Variants in PCDHGB1 observed in about 807,000 individuals in gnomAD.
PCDHGB1 encodes protocadherin gamma subfamily B, 1.
Under a neutral mutation model 56.6 loss-of-function variants are expected in PCDHGB1, and 34 were observed. The ratio of observed to expected loss-of-function variants is 0.60; its 90% CI spans 0.46 to 0.80. PCDHGB1 has a LOEUF of 0.80. Among genes scored for constraint, PCDHGB1 ranks in the 30% least tolerant of loss-of-function variants. The probability of loss-of-function intolerance (pLI) is 0.00; values close to 1 mark genes in which losing one functional copy is unlikely to be tolerated. For synonymous variants in PCDHGB1, 561 were observed against 505.9 expected (o/e 1.11, Z -1.46); for missense variants, 1,278 against 1,204.6 (o/e 1.06, Z -0.90).
At chr5:141,405,420 T>A in intron 1 of PCDHGB1, 1 of 1,509,592 alleles carries the variant, frequency 6.6e-7, no homozygotes, top group Non-Finnish European at 9.0e-7. Flanking sequence ...TTTTTGTTTT[T>A]TGTTTTGTTT....
chr5:141,399,812 C>T (rs1561672586), intron 1 of PCDHGB1: 1 of 1,613,222 alleles, frequency 6.2e-7, no homozygotes, highest in South Asian at 1.1e-5. Context: ...CTGTACCCCG[C>T]GCTGGGTCCC....
At chr5:141,410,170 C>A in intron 1 of PCDHGB1, 1 of 1,613,828 alleles carries the variant, frequency 6.2e-7, no homozygotes, top group African/African-American at 1.3e-5. Context: ...CACTCTCTGC[C>A]ACCGCCACGC....
At chr5:141,408,036 A>C in intron 1 of PCDHGB1, 1 of 1,132,834 alleles carries the variant, frequency 8.8e-7, no homozygotes, top group Non-Finnish European at 1.2e-6. Flanking sequence ...GAAGAAAACC[A>C]GCTCCCACAC....
At chr5:141,458,080 C>T (rs62379190) in intron 1 of PCDHGB1, among the ~76,000 whole-genome samples, 5,138 of 152,230 alleles carry the variant, frequency 0.034, 100 homozygotes, top group Middle Eastern at 0.088. Flanking sequence ...ACTATATTGC[C>T]GTAAGTTAAG....
chr5:141,352,184 G>A lies in PCDHGB1; in HGVS notation c.1924G>A (p.Val642Met). 1 of 1,613,852 alleles carries A rather than the reference G, an allele frequency of 6.2e-7. No individual in the cohort carries two copies. Among genetic ancestry groups the A allele is most frequent in the Non-Finnish European group, 8.5e-7 (1 of 1,179,884 alleles). Residue 642 changes from valine to methionine, a missense_variant, in exon 1 of 4, where the codon GTG (valine) becomes ATG (methionine). Transcript: ENST00000523390. ...GGCCCGCCAGCGCCTGCTGGTCGCTGTGCGTGATGGAGGACAGCCGCCACT... is the reference window on the plus strand; with the variant it reads ...GGCCCGCCAGCGCCTGCTGGTCGCTATGCGTGATGGAGGACAGCCGCCACT... The part of the protein sequence containing the change: ...DAARQRLLVA[V>M]RDGGQPPLSA...
At chr5:141,395,972 A>G (rs974737736) in intron 1 of PCDHGB1, 1 of 152,218 alleles carries the variant, frequency 6.6e-6, no homozygotes, top group African/African-American at 2.4e-5. Flanking sequence ...CAAAAACATT[A>G]GATCTGAATT....
intron 1 of PCDHGB1, among the ~76,000 whole-genome samples, chr5:141,368,535 T>C (rs1765706037): frequency 6.6e-6 from 1 of 152,178 alleles, no homozygotes; most frequent in South Asian, 2.1e-4. Context: ...AAAACTTGCT[T>C]TTCCATTTTT....
In PCDHGB1 at chr5:141,485,713, G is replaced by A. The variant is rs769162337; in HGVS notation, c.2410-9094G>A. The stretch of plus-strand genomic sequence containing the variant: ...TGAGCTCCAATGAACACTTTGCACT[G>A]GATGTGAAGAAGCGCAGCGACGGCA... On this transcript the variant is annotated intron_variant, in intron 1 of 3. Transcript: ENST00000523390. The surrounding 1 kb of genome is among the most constrained non-coding windows in gnomAD (Gnocchi z 5.7). 2 of 1,614,084 alleles carry A rather than the reference G, an allele frequency of 1.2e-6. No homozygotes were observed. The highest frequency in any genetic ancestry group is 1.3e-5 in the African/African-American group (1 of 74,942).
rs774993961 is a variant in PCDHGB1, at chr5:141,365,445, A to C, written c.2409+12776A>C. The stretch of plus-strand genomic sequence containing the variant: ...ACTGTAATCGCGCTGTTTAGCGTAC[A>C]TGATGGTGATTCTGGAGAAAATGGT... On this transcript the variant is annotated intron_variant, in intron 1 of 3. Transcript: ENST00000523390. 1 of 1,613,936 alleles carries C rather than the reference A, an allele frequency of 6.2e-7. No individual in the cohort carries two copies. The highest frequency in any genetic ancestry group is 8.5e-7 in the Non-Finnish European group (1 of 1,179,910).
At position 141,357,494 on chromosome 5, in the gene PCDHGB1, A is replaced by G. The variant is rs371787543; in HGVS notation, c.2409+4825A>G. 1.9e-6 allele frequency: 3 copies of G among 1,614,142 alleles called. No homozygotes were observed. The African/African-American group carries it at 4.0e-5, about 22-fold the overall frequency. On this transcript the variant is annotated intron_variant, in intron 1 of 3. Coordinates refer to ENST00000523390, the MANE Select transcript of PCDHGB1 (RefSeq NM_018922.3). Reference sequence around the variant, plus strand: ...GTCTCCCTCACCGCGGACTCGCGGAAGAGTCACCTGATCTTCTCCCAACCC... The same window carrying G: ...GTCTCCCTCACCGCGGACTCGCGGAGGAGTCACCTGATCTTCTCCCAACCC...
In PCDHGB1 at chr5:141,388,498, A is replaced by G. The variant is rs1025242684; in HGVS notation, c.2409+35829A>G. The G allele has an allele frequency of 9.9e-6, 16 of 1,613,748 alleles. No homozygotes were observed. Among genetic ancestry groups the G allele is most frequent in the Admixed American group, 1.7e-5 (1 of 60,004 alleles). ...AAGACACCTTTGGACAGAGAAAAGCAGAAATCCTACCACTTGACTTTGACT... is the reference window on the plus strand; with the variant it reads ...AAGACACCTTTGGACAGAGAAAAGCGGAAATCCTACCACTTGACTTTGACT... On this transcript the variant is annotated intron_variant, in intron 1 of 3. Transcript: ENST00000523390.
intron 1 of PCDHGB1, among the ~76,000 whole-genome samples, chr5:141,405,891 A>G (rs1029768115): frequency 1.3e-5 from 2 of 152,164 alleles, no homozygotes; most frequent in African/African-American, 4.8e-5. Flanking sequence ...TTGCTCCAAC[A>G]CTGAAAGGAG....
chr5:141,462,597 T>C (rs182073985), intron 1 of PCDHGB1, among the ~76,000 whole-genome samples: 1 of 152,320 alleles, frequency 6.6e-6, no homozygotes, highest in East Asian at 1.9e-4. Context: ...TTCCATTTCA[T>C]ATATTGTATT....
At position 141,433,188 on chromosome 5, in the gene PCDHGB1, G is replaced by A. The variant is rs2097573612; in HGVS notation, c.2410-61619G>A. The A allele has an allele frequency of 2.5e-6, 4 of 1,583,816 alleles. No homozygotes were observed. The South Asian group carries it at 3.5e-5, about 14-fold the overall frequency. On this transcript the variant is annotated intron_variant, in intron 1 of 3. Coordinates refer to ENST00000523390, the MANE Select transcript of PCDHGB1 (RefSeq NM_018922.3). ...GACAGTCATGGGTTAATTGAGGTGA[G>A]TTTATATCAAATCTTCTTTCTTTTT...
At position 141,486,055 on chromosome 5, in the gene PCDHGB1, C is replaced by T; in HGVS notation, c.2410-8752C>T. 6.2e-7 allele frequency: 1 copy of T among 1,614,170 alleles called. No individual in the cohort carries two copies. ...CTGATCGTGTAAGAAACCTCTTTAG[C>T]CTGCACCCCACTACTGGAAAGCTTA... On this transcript the variant is annotated intron_variant, in intron 1 of 3. Transcript: ENST00000523390. The surrounding 1 kb of genome is among the most constrained non-coding windows in gnomAD (Gnocchi z 5.0).
In PCDHGB1 at chr5:141,477,602, C is replaced by G. The variant is rs772296229; in HGVS notation, c.2410-17205C>G. ...GCAGAATGCTCGGCTTTCTTTCTTT[C>G]TCTTGGAGCAAGGAGCTGAAACCGG... On this transcript the variant is annotated intron_variant, in intron 1 of 3. Coordinates refer to ENST00000523390, the MANE Select transcript of PCDHGB1 (RefSeq NM_018922.3). This position sits in a 1 kb window ranked among gnomAD's most constrained non-coding sequence, Gnocchi z 4.9. 6.2e-7 allele frequency: 1 copy of G among 1,614,098 alleles called. No homozygotes were observed. Among genetic ancestry groups the G allele is most frequent in the East Asian group, 2.2e-5 (1 of 44,898 alleles).
At chr5:141,422,005 A>T in intron 1 of PCDHGB1, 1 of 1,609,814 alleles carries the variant, frequency 6.2e-7, no homozygotes, top group East Asian at 2.2e-5. Flanking sequence ...CAGCTCCGGA[A>T]CTCGGGTGCT....
At chr5:141,497,839 A>G (rs1399696596) in intron 2 of PCDHGB1, among the ~76,000 whole-genome samples, 1 of 152,044 alleles carries the variant, frequency 6.6e-6, no homozygotes, top group East Asian at 1.9e-4. Flanking sequence ...CCCGGCCACA[A>G]CAAACATTTT....
Position 141,432,205 on chromosome 5 carries a change from A to G in PCDHGB1, c.2410-62602A>G, listed in dbSNP as rs764567227. 1 of 1,614,180 alleles carries G rather than the reference A, an allele frequency of 6.2e-7. No individual in the cohort carries two copies. Among genetic ancestry groups the G allele is most frequent in the South Asian group, 1.1e-5 (1 of 91,074 alleles). On this transcript the variant is annotated intron_variant, in intron 1 of 3. Transcript: ENST00000523390. This position sits in a 1 kb window ranked among gnomAD's most constrained non-coding sequence, Gnocchi z 6.0. The stretch of plus-strand genomic sequence containing the variant: ...TGACCGCCCACGACCCCGACTGTGA[A>G]GAGAACGCCCAGATCACTTATTCCC...
Sources: gnomAD v4.1 joint callset for allele counts (sites outside exome capture counted in the v4.1 genomes callset) on GRCh38, gnomAD v4.1.1 for gene constraint, Gnocchi (gnomAD v3.1) non-coding constraint, MANE v1.5 for transcripts, NCBI Gene and HGNC (gene_info 2026-07-23, HGNC 2026-07-21) for gene names.